Variants in DOC2A observed in about 807,000 individuals in gnomAD.
The protein encoded by DOC2A is double C2-like domain-containing protein alpha.
In DOC2A, 28 loss-of-function variants were observed where a neutral mutation model predicts 40.6. The observed-to-expected ratio is 0.69, with a 90% CI of 0.51 to 0.95. The LOEUF is 0.95. DOC2A is among the 40% of genes least tolerant of loss of function. The probability of loss-of-function intolerance (pLI) is 0.00; values close to 1 mark genes in which losing one functional copy is unlikely to be tolerated. For synonymous variants in DOC2A, 241 were observed against 236.9 expected (o/e 1.02, Z -0.16); for missense variants, 474 against 552.5 (o/e 0.86, Z 1.42).
At chr16:30,018,731 A>C (rs539796522) in intron 1 of DOC2A, 1 of 152,304 alleles carries the variant, frequency 6.6e-6, no homozygotes, top group East Asian at 1.9e-4. Context: ...GGAAATATAC[A>C]TTTGTGAGTC....
chr16:30,009,153 C>CAGGCTGGAGTCAT lies in DOC2A; in HGVS notation c.417+36_417+48dup. 1.3e-6 allele frequency: 2 copies of CAGGCTGGAGTCAT among 1,598,120 alleles called. No homozygotes were observed. The highest frequency in any genetic ancestry group is 1.7e-6 in the Non-Finnish European group (2 of 1,165,786). The stretch of plus-strand genomic sequence containing the variant: ...TCTCAATACCTGTCCTCCAGCCCCA[C>CAGGCTGGAGTCAT]AGGCTGGAGTCATGGGCTGGGCCGG... On this transcript the variant is annotated intron_variant, in intron 4 of 10. Transcript: ENST00000350119. This position sits in a 1 kb window ranked among gnomAD's most constrained non-coding sequence, Gnocchi z 4.1.
upstream of DOC2A, among the ~76,000 whole-genome samples, chr16:30,016,004 C>T (rs1293523923): frequency 8.7e-6 from 1 of 115,194 alleles, no homozygotes; most frequent in Non-Finnish European, 1.7e-5. Flanking sequence ...GAGCCAAAGA[C>T]CATGCCCAGC....
rs1596690931 is a variant in DOC2A at position 30,005,638 on chromosome 16, C to T, written c.*548G>A. 6.6e-6 allele frequency: 4 copies of T among 607,982 alleles called. No individual in the cohort carries two copies. The highest frequency in any genetic ancestry group is 5.7e-5 in the African/African-American group (3 of 52,256). 37.7% of individuals were successfully genotyped at this position (607,982 alleles called of 1,614,324 possible). ...AGGGGCCCTGCCTTCAAACCCCGGC[C>T]CCCTCCAGGGGACAGTTATTTAAAC... On this transcript the variant is annotated 3_prime_UTR_variant, in exon 11 of 11. Coordinates refer to ENST00000350119, the MANE Select transcript of DOC2A (RefSeq NM_003586.3).
upstream of DOC2A, chr16:30,013,622 A>AATAAAAAAAATAAAT (rs1186474493): frequency 2.1e-5 from 3 of 141,520 alleles, no homozygotes; most frequent in African/African-American, 7.8e-5. Flanking sequence ...AAAAAAAAAA[A>AATAAAAAAAATAAAT]AAAAATCCTT....
At position 30,009,184 on chromosome 16, in the gene DOC2A, G is replaced by T. The variant is rs2070705329; in HGVS notation, c.417+18C>A. 1 of 1,606,200 alleles carries T rather than the reference G, an allele frequency of 6.2e-7. No homozygotes were observed. The highest frequency in any genetic ancestry group is 8.5e-7 in the Non-Finnish European group (1 of 1,175,760). ...GGAGTCATGGGCTGGGCCGGGCGGG[G>T]CGAGAGGAGGCTGTTACCTTACAGG... On this transcript the variant is annotated intron_variant, in intron 4 of 10. Transcript: ENST00000350119. This position sits in a 1 kb window ranked among gnomAD's most constrained non-coding sequence, Gnocchi z 4.1.
upstream of DOC2A, among the ~76,000 whole-genome samples, chr16:30,017,335 T>C (rs1355219157): frequency 6.6e-6 from 1 of 151,222 alleles, no homozygotes; most frequent in African/African-American, 2.4e-5. Flanking sequence ...AAAAGACACC[T>C]GCACTTGTGT....
Position 30,009,734 on chromosome 16 carries a change from G to C in DOC2A, c.263-177C>G, listed in dbSNP as rs991462632. On this transcript the variant is annotated intron_variant, in intron 2 of 10. Coordinates refer to ENST00000350119, the MANE Select transcript of DOC2A (RefSeq NM_003586.3). The surrounding 1 kb of genome is among the most constrained non-coding windows in gnomAD (Gnocchi z 4.1). ...GGGTCCCTGGCTCGGCCGCAACTGG[G>C]GCTGTGTGGGTGGTGGAGTGTCTCA... Among the ~76,000 whole-genome samples the C allele has an allele frequency of 6.6e-6, 1 of 152,102 alleles. No individual in the cohort carries two copies. The highest frequency in any genetic ancestry group is 2.4e-5 in the African/African-American group (1 of 41,386).
rs577999105 is a variant in DOC2A, at chr16:30,006,693, A to G, written c.879-16T>C. On this transcript the variant is annotated splice_polypyrimidine_tract_variant and intron_variant, in intron 8 of 10. Transcript: ENST00000350119. The surrounding 1 kb of genome is among the most constrained non-coding windows in gnomAD (Gnocchi z 6.2). ...CCTCAGGTACCTGGGGGTGGGGTGG[A>G]GGGAGACGAACTGAGGGGTGAGGGA... 4.3e-6 allele frequency: 7 copies of G among 1,613,418 alleles called. No homozygotes were observed. In the East Asian group the frequency reaches 1.1e-4, roughly 26 times the overall value.
At position 30,006,890 on chromosome 16, in the gene DOC2A, C is replaced by G; in HGVS notation, c.773G>C (p.Ser258Thr). 1 of 1,613,492 alleles carries G rather than the reference C, an allele frequency of 6.2e-7. No individual in the cohort carries two copies. The highest frequency in any genetic ancestry group is 8.5e-7 in the Non-Finnish European group (1 of 1,179,708). ...CCGGCGCCGCGAGCTGTAGCTGAGA[C>G]TCAGCAGGATGCGGCCACGCTCCTC... Reference protein sequence around the residue: ...LLEERGRILLSLSYSSRRRGL... With the variant: ...LLEERGRILLTLSYSSRRRGL... The change falls in exon 8 of 11, where the codon AGT (serine) becomes ACT (threonine). Residue 258 changes from serine (S) to threonine (T), a missense_variant. Physicochemically the swap from Ser to Thr is moderately conservative, Grantham distance 58 (BLOSUM62 1). Transcript: ENST00000350119. This position sits in a 1 kb window ranked among gnomAD's most constrained non-coding sequence, Gnocchi z 6.2.
chr16:30,023,015 A>T (rs911005298), upstream of DOC2A: 4 of 242,594 alleles, frequency 1.6e-5, no homozygotes, highest in Non-Finnish European at 3.3e-5. Context: ...CCAAGGGGTA[A>T]CCGGAGGTGT....
At position 30,010,711 on chromosome 16, in the gene DOC2A, T is replaced by TCTGC. The variant is rs1310608677; in HGVS notation, c.-14+188_-14+191dup. On this transcript the variant is annotated intron_variant, in intron 1 of 10. Coordinates refer to ENST00000350119, the MANE Select transcript of DOC2A (RefSeq NM_003586.3). The surrounding 1 kb of genome is among the most constrained non-coding windows in gnomAD (Gnocchi z 4.2). ...TCCCCTCATTCAGCCCCAGGACCTG[T>TCTGC]CTGCCTGCCTGGTTCCCCCGCTCGC... Among the ~76,000 whole-genome samples, 1 of 152,112 alleles carries TCTGC rather than the reference T, an allele frequency of 6.6e-6. No homozygotes were observed. Among genetic ancestry groups the TCTGC allele is most frequent in the Non-Finnish European group, 1.5e-5 (1 of 68,000 alleles).
At chr16:30,022,979 TAAAAC>T (rs1289093025), upstream of DOC2A, 1 of 180,480 alleles carries the variant, frequency 5.5e-6, no homozygotes, top group African/African-American at 2.3e-5. Flanking sequence ...TGAAAATAAA[TAAAAC>T]AAATGTTACC....
At chr16:30,017,803 A>G in intron 1 of DOC2A, among the ~76,000 whole-genome samples, 1 of 151,834 alleles carries the variant, frequency 6.6e-6, no homozygotes, top group East Asian at 1.9e-4. Flanking sequence ...CTAAAAATAC[A>G]AAAATAATTA....
chr16:30,013,158 CAAAAAAAA>C (rs1171077200), upstream of DOC2A, among the ~76,000 whole-genome samples: 566 of 39,154 alleles, frequency 0.014, 6 homozygotes, highest in African/African-American at 0.053. Flanking sequence ...CCTGTCTCTA[CAAAAAAAA>C]AAAAAAAAAA....
Position 30,010,062 on chromosome 16 carries a change from G to T in DOC2A, c.161C>A (p.Ala54Asp). 1 of 1,611,312 alleles carries T rather than the reference G, an allele frequency of 6.2e-7. No individual in the cohort carries two copies. The highest frequency in any genetic ancestry group is 8.5e-7 in the Non-Finnish European group (1 of 1,178,988). ...GGCCAGAGCCAGGGGGACCAGATGG[G>T]CGGGGGCCTCCCCGCCGCCCCCGCC... ...GGGGGGGEAP[A>D]HLVPLALAPP... The change falls in exon 2 of 11, where the codon GCC (alanine) becomes GAC (aspartate). Residue 54 changes from alanine (A) to aspartate (D), a missense_variant. By Grantham distance (126) the Ala-to-Asp change is moderately radical. Transcript: ENST00000350119. The surrounding 1 kb of genome is among the most constrained non-coding windows in gnomAD (Gnocchi z 4.2).
upstream of DOC2A, chr16:30,011,281 T>G: frequency 2.1e-6 from 2 of 958,326 alleles, no homozygotes; most frequent in South Asian, 9.7e-5. Flanking sequence ...TGCCCACGTG[T>G]GCACGCTCAC....
At chr16:30,008,775 G>A (rs1290206432) in intron 5 of DOC2A, 1 of 524,020 alleles carries the variant, frequency 1.9e-6, no homozygotes, top group Non-Finnish European at 3.5e-6. Context: ...CAAAGTGCTG[G>A]GATTACAGGT....
chr16:30,008,753 ACCT>A, intron 5 of DOC2A: 1 of 466,164 alleles, frequency 2.1e-6, no homozygotes, highest in East Asian at 4.3e-5. Flanking sequence ...TGATCCGCCC[ACCT>A]CGGCCTCCCA....
upstream of DOC2A, among the ~76,000 whole-genome samples, chr16:30,016,055 A>ATTTT (rs59271933): frequency 6.5e-4 from 11 of 16,890 alleles, no homozygotes; most frequent in African/African-American, 1.9e-3. Flanking sequence ...ATATATATAT[A>ATTTT]TTTTTTTTTT....
Sources: gnomAD v4.1 joint callset for allele counts (sites outside exome capture counted in the v4.1 genomes callset) on GRCh38, gnomAD v4.1.1 for gene constraint, Gnocchi (gnomAD v3.1) non-coding constraint, MANE v1.5 for transcripts, NCBI Gene and HGNC (gene_info 2026-07-23, HGNC 2026-07-21) for gene names.